The following KCNQ3 variants were observed in gnomAD, a reference collection of about 807,000 sequenced individuals.
The protein encoded by KCNQ3 is potassium voltage-gated channel subfamily KQT member 3.
KCNQ3 carries 30 observed loss-of-function variants against 92.5 expected under a neutral mutation model. The ratio of observed to expected loss-of-function variants is 0.32; its 90% confidence interval spans 0.24 to 0.44. The LOEUF is 0.44. Ranked by LOEUF, KCNQ3 falls within the 20% of genes least tolerant of loss-of-function variation. KCNQ3 has a pLI of 1.00. For missense variants in KCNQ3, 913 were observed against 1,140.3 expected (o/e 0.80, Z 2.87); for synonymous variants, 450 against 468.8 (o/e 0.96, Z 0.52).
At chr8:132,202,322 T>A (rs1302209280) in intron 1 of KCNQ3, among the ~76,000 whole-genome samples, 1 of 152,230 alleles carries the variant, frequency 6.6e-6, no homozygotes, top group East Asian at 1.9e-4. Flanking sequence ...GGCTTCCTTC[T>A]ATCTATATTA....
intron 1 of KCNQ3, among the ~76,000 whole-genome samples, chr8:132,386,299 C>A (rs1819890064): frequency 6.6e-6 from 1 of 151,846 alleles, no homozygotes; most frequent in African/African-American, 2.4e-5. Flanking sequence ...CTCTTAAAAA[C>A]AGCTTAATAA....
At chr8:132,403,500 A>G (rs1820402739) in intron 1 of KCNQ3, among the ~76,000 whole-genome samples, 1 of 152,234 alleles carries the variant, frequency 6.6e-6, no homozygotes, top group African/African-American at 2.4e-5. Flanking sequence ...TGGGGTGTTA[A>G]GCAGCATGCA....
intron 1 of KCNQ3, among the ~76,000 whole-genome samples, chr8:132,310,399 A>G (rs1817559240): frequency 6.6e-6 from 1 of 151,828 alleles, no homozygotes. Context: ...GCTTCTTAAG[A>G]CTCCTCTCAC....
intron 1 of KCNQ3, among the ~76,000 whole-genome samples, chr8:132,353,956 T>C (rs547095005): frequency 1.3e-5 from 2 of 152,208 alleles, no homozygotes; most frequent in South Asian, 4.1e-4. Flanking sequence ...TGGTCATGAG[T>C]GTGTGTTCCC....
intron 1 of KCNQ3, among the ~76,000 whole-genome samples, chr8:132,461,123 G>A (rs1381758926): frequency 1.3e-5 from 2 of 152,066 alleles, no homozygotes; most frequent in African/African-American, 4.8e-5. Flanking sequence ...ATGTACAATG[G>A]TTTGTTTATC....
At chr8:132,400,161 T>C (rs931629952) in intron 1 of KCNQ3, among the ~76,000 whole-genome samples, 1 of 152,228 alleles carries the variant, frequency 6.6e-6, no homozygotes, top group African/African-American at 2.4e-5. Flanking sequence ...TATTCACCAA[T>C]TCCATTCATG....
intron 1 of KCNQ3, among the ~76,000 whole-genome samples, chr8:132,357,654 C>T (rs946810265): frequency 1.3e-5 from 2 of 152,178 alleles, no homozygotes; most frequent in African/African-American, 4.8e-5. Context: ...CACTCCATGT[C>T]GTCCAGATCT....
At chr8:132,362,456 G>A (rs1037230727) in intron 1 of KCNQ3, among the ~76,000 whole-genome samples, 1 of 152,160 alleles carries the variant, frequency 6.6e-6, no homozygotes, top group East Asian at 1.9e-4. Flanking sequence ...AGTTCCAGCA[G>A]AAACTGAGAG....
At chr8:132,173,360 A>T (rs1826445526) in intron 6 of KCNQ3, among the ~76,000 whole-genome samples, 4 of 152,214 alleles carry the variant, frequency 2.6e-5, no homozygotes, top group Admixed American at 2.6e-4. Context: ...AAAAAAACCG[A>T]CAAGGTAGGG....
At chr8:132,185,160 C>G (rs1826921771) in intron 2 of KCNQ3, among the ~76,000 whole-genome samples, 2 of 152,200 alleles carry the variant, frequency 1.3e-5, no homozygotes, top group African/African-American at 4.8e-5. Context: ...GAGGTCTGAG[C>G]TCTGGGACGT....
chr8:132,284,908 T>C, intron 1 of KCNQ3, among the ~76,000 whole-genome samples: 1 of 152,262 alleles, frequency 6.6e-6, no homozygotes, highest in Non-Finnish European at 1.5e-5. Flanking sequence ...TATTTTGCTC[T>C]CTTTGCATGC....
chr8:132,349,421 C>A (rs1818792090), intron 1 of KCNQ3, among the ~76,000 whole-genome samples: 1 of 152,182 alleles, frequency 6.6e-6, no homozygotes, highest in Admixed American at 6.5e-5. Context: ...GGGGGAAGAA[C>A]AGAAAGAGAA....
At chr8:132,433,371 T>C (rs1178164168) in intron 1 of KCNQ3, among the ~76,000 whole-genome samples, 1 of 152,220 alleles carries the variant, frequency 6.6e-6, no homozygotes, top group Admixed American at 6.5e-5. Flanking sequence ...CAGCCAGATG[T>C]TTCTCCATTT....
intron 1 of KCNQ3, among the ~76,000 whole-genome samples, chr8:132,312,704 T>G (rs542220402): frequency 5.9e-5 from 9 of 152,286 alleles, no homozygotes; most frequent in Admixed American, 4.6e-4. Context: ...TCACAAGATC[T>G]GATGGTTTTG....
chr8:132,465,783 T>C (rs936040583), intron 1 of KCNQ3, among the ~76,000 whole-genome samples: 1 of 151,784 alleles, frequency 6.6e-6, no homozygotes, highest in African/African-American at 2.4e-5. Context: ...TAGTGGCACC[T>C]GCCTGTGGTC....
chr8:132,135,978 G>A (rs1465072813), intron 12 of KCNQ3, among the ~76,000 whole-genome samples: 1 of 151,788 alleles, frequency 6.6e-6, no homozygotes, highest in African/African-American at 2.4e-5. Flanking sequence ...AATTAGCCGG[G>A]TATGGTGGCA....
At chr8:132,205,222 A>AGCAC (rs1405424905) in intron 1 of KCNQ3, among the ~76,000 whole-genome samples, 1 of 152,258 alleles carries the variant, frequency 6.6e-6, no homozygotes, top group Non-Finnish European at 1.5e-5. Flanking sequence ...AGAAGAGAGA[A>AGCAC]GCACCAAGAG....
At chr8:132,160,776 T>A (rs529094162) in intron 9 of KCNQ3, among the ~76,000 whole-genome samples, 1 of 152,190 alleles carries the variant, frequency 6.6e-6, no homozygotes, top group Admixed American at 6.5e-5. Flanking sequence ...TTGGCTTTGA[T>A]AATTTTATGC....
At chr8:132,134,443 GA>G in intron 12 of KCNQ3, 55 bp from the exon 13 acceptor site, 1 of 1,190,222 alleles carries the variant, frequency 8.4e-7, no homozygotes, top group Non-Finnish European at 1.2e-6. Context: ...GTTTTGACAG[GA>G]AAACAAATCA....
Sources: gnomAD v4.1 joint callset for allele counts (sites outside exome capture counted in the v4.1 genomes callset) on GRCh38, gnomAD v4.1.1 for gene constraint, MANE v1.5 for transcripts, NCBI Gene and HGNC (gene_info 2026-07-23, HGNC 2026-07-21) for gene names.